BABAM1: variants seen among roughly 807,000 people sequenced by gnomAD.
The protein encoded by BABAM1 is BRISC and BRCA1 A complex member 1.
A neutral mutation model predicts 34.4 loss-of-function variants in BABAM1; 14 were observed. The observed-to-expected ratio is 0.41, with a 90% CI of 0.27 to 0.64. The LOEUF (loss-of-function observed/expected upper bound fraction) is 0.64, where lower values mean the gene tolerates loss of function less well. Among genes scored for constraint, BABAM1 ranks in the 30% least tolerant of loss-of-function variants. The pLI is 0.34. For synonymous variants in BABAM1, 169 were observed against 165.8 expected, an observed-to-expected ratio of 1.02 and a Z score of -0.15; for missense variants, 393 against 434.0, an observed-to-expected ratio of 0.91 and a Z score of 0.84.
At chr19:17,274,850 G>A (rs2073889732) in intron 5 of BABAM1, among the ~76,000 whole-genome samples, 1 of 107,320 alleles carries the variant, frequency 9.3e-6, no homozygotes, top group South Asian at 2.7e-4. Context: ...TTTCCAGGAG[G>A]ACAAGACACC....
In BABAM1 at chr19:17,274,180, C is replaced by T. The variant is rs368067780; in HGVS notation, c.539C>T (p.Thr180Ile). 1.2e-6 allele frequency: 2 copies of T among 1,612,738 alleles called. No individual in the cohort carries two copies. The highest frequency in any genetic ancestry group is 8.5e-7 in the Non-Finnish European group (1 of 1,179,818). ...GATCTGGAGACGGCCTCCTGTTCCA[C>T]CTTCAGTATCCTTCCTGGCAGAGAT... is the stretch of plus-strand genomic sequence containing the variant. Reference protein sequence around the residue: ...LYDLETASCSTFNLEGLFSLI... With the variant: ...LYDLETASCSIFNLEGLFSLI... The change falls in exon 5 of 9, where the codon ACC becomes ATC. Residue 180 changes from threonine to isoleucine, a missense_variant. Coordinates refer to ENST00000598188, the MANE Select transcript of BABAM1 (RefSeq NM_014173.4).
At chr19:17,278,770 C>T in intron 8 of BABAM1, 75 bp from the exon 9 acceptor site, 5 of 1,429,784 alleles carry the variant, frequency 3.5e-6, no homozygotes, top group Non-Finnish European at 4.8e-6. Flanking sequence ...CTGAGAAGCC[C>T]TCCAGGGATA....
At position 17,279,122 on chromosome 19, in the gene BABAM1, C is replaced by T. The variant is rs376011304; in HGVS notation, c.*74C>T. 4.0e-6 allele frequency: 6 copies of T among 1,484,708 alleles called. No individual in the cohort carries two copies. The East Asian group carries it at 9.8e-5, about 24-fold the overall frequency. 92.0% of individuals were successfully genotyped at this position (1,484,708 alleles called of 1,614,324 possible). On this transcript the variant is annotated 3_prime_UTR_variant, in exon 9 of 9. Transcript: ENST00000598188. ...AAAGCCTTGGTTCTCAAACTGGGTT[C>T]CTTGGGACCTCCGGGGTGGGGGGGT...
At chr19:17,276,975 A>C (rs986781017) in intron 8 of BABAM1, 66 bp downstream of exon 8, 2 of 1,445,362 alleles carry the variant, frequency 1.4e-6, no homozygotes, top group South Asian at 1.2e-5. Context: ...ACACACCTGC[A>C]CTGGGTCTGG....
In BABAM1 at chr19:17,276,521, CAG is replaced by C; in HGVS notation, c.600_601del (p.Asn201ArgfsTer43). 1 of 1,594,914 alleles carries C rather than the reference CAG, an allele frequency of 6.3e-7. No homozygotes were observed. Among genetic ancestry groups the C allele is most frequent in the Non-Finnish European group, 8.5e-7 (1 of 1,171,070 alleles). ...CAGCAGAAAACTGAGCTTCCGGTCA[CAG>C]AGAACGTGCAGACGATTCCCCCGCC... is the stretch of plus-strand genomic sequence containing the variant. On this transcript the variant is annotated frameshift_variant, in exon 7 of 9. Transcript: ENST00000598188. LOFTEE classifies it high-confidence loss of function.
Position 17,276,906 on chromosome 19 carries a change from G to C in BABAM1, c.783G>C (p.Trp261Cys). ...GTEEKEEEMS[W>C]KDMFAFMGSL... is the part of the protein sequence containing the mutation. The stretch of plus-strand genomic sequence containing the variant: ...AGGAGAAGGAGGAGGAGATGAGTTG[G>C]AAGGTGAGAGGCTGCAGCAGGTGTG... Residue 261 changes from tryptophan (W) to cysteine (C), a missense_variant, in exon 8 of 9, where the codon TGG becomes TGC. Physicochemically the swap from Trp to Cys is radical, Grantham distance 215 (BLOSUM62 -2). Transcript: ENST00000598188. The C allele has an allele frequency of 3.1e-6, 5 of 1,594,736 alleles. No individual in the cohort carries two copies. The highest frequency in any genetic ancestry group is 4.3e-6 in the Non-Finnish European group (5 of 1,170,554).
In BABAM1 at chr19:17,276,545, C is replaced by T. The variant is rs555163333; in HGVS notation, c.620C>T (p.Pro207Leu). Reference sequence around the variant, plus strand: ...ACAGAGAACGTGCAGACGATTCCCCCGCCATATGTGGTCCGCACCATCCTT... The same window carrying T: ...ACAGAGAACGTGCAGACGATTCCCCTGCCATATGTGGTCCGCACCATCCTT... Reference protein sequence around the residue: ...PVTENVQTIPPPYVVRTILVY... With the variant: ...PVTENVQTIPLPYVVRTILVY... The change falls in exon 7 of 9, where the codon CCG becomes CTG. Residue 207 changes from proline (P) to leucine (L), a missense_variant. By Grantham distance (98) the Pro-to-Leu change is moderately conservative. Transcript: ENST00000598188. The T allele has an allele frequency of 8.7e-6, 14 of 1,604,654 alleles. No individual in the cohort carries two copies. Among genetic ancestry groups the T allele is most frequent in the Admixed American group, 6.8e-5 (4 of 58,844 alleles).
intron 5 of BABAM1, among the ~76,000 whole-genome samples, chr19:17,274,841 T>C (rs117673644): frequency 0.016 from 2,169 of 137,066 alleles, 28 homozygotes; most frequent in South Asian, 0.046. Flanking sequence ...TGAGAGTTTT[T>C]TCCAGGAGGA....
chr19:17,275,119 G>T (rs1464752606), intron 5 of BABAM1, among the ~76,000 whole-genome samples: 1 of 151,912 alleles, frequency 6.6e-6, no homozygotes, highest in Non-Finnish European at 1.5e-5. Context: ...TGCCCAGGCT[G>T]GTCTTGAATT....
chr19:17,276,689 G>A (rs762016577), intron 7 of BABAM1, 65 bp downstream of exon 7: 2 of 1,564,386 alleles, frequency 1.3e-6, no homozygotes, highest in Admixed American at 1.9e-5. Context: ...GACACCAGGA[G>A]GGACTTCCAA....
At chr19:17,277,651 C>T (rs1021249091) in intron 8 of BABAM1, 2 of 152,294 alleles carry the variant, frequency 1.3e-5, no homozygotes, top group Admixed American at 6.5e-5. Flanking sequence ...TTCTCTGAGC[C>T]TCAGTTTACC....
intron 3 of BABAM1, among the ~76,000 whole-genome samples, chr19:17,273,564 G>GTT (rs754203595): frequency 1.1e-4 from 5 of 45,938 alleles, no homozygotes; most frequent in South Asian, 6.4e-4. Flanking sequence ...TGTTTGTTTT[G>GTT]TTTTTTTTTT....
At chr19:17,273,671 C>A (rs1271079621) in intron 3 of BABAM1, among the ~76,000 whole-genome samples, 1 of 147,380 alleles carries the variant, frequency 6.8e-6, no homozygotes, top group African/African-American at 2.5e-5. Flanking sequence ...TCAAGCAATT[C>A]TCTGACTCAG....
intron 2 of BABAM1, among the ~76,000 whole-genome samples, chr19:17,269,541 G>A (rs1304516649): frequency 2.0e-5 from 3 of 151,790 alleles, no homozygotes; most frequent in African/African-American, 7.3e-5. Flanking sequence ...AGTAGAGACA[G>A]GGTTTCACCA....
intron 2 of BABAM1, among the ~76,000 whole-genome samples, chr19:17,270,407 T>C (rs1334811619): frequency 1.3e-5 from 2 of 152,168 alleles, no homozygotes; most frequent in Non-Finnish European, 2.9e-5. Flanking sequence ...ACTGTGTCTC[T>C]GTGTCTTCTC....
At chr19:17,270,192 A>G (rs1293834737) in intron 2 of BABAM1, among the ~76,000 whole-genome samples, 1 of 151,922 alleles carries the variant, frequency 6.6e-6, no homozygotes, top group Non-Finnish European at 1.5e-5. Flanking sequence ...CGGCCTCCCA[A>G]AGTGCTGGGA....
intron 6 of BABAM1, 103 bp from the exon 7 acceptor site, chr19:17,276,392 G>T: frequency 6.6e-7 from 1 of 1,520,804 alleles, no homozygotes; most frequent in Non-Finnish European, 8.9e-7. Context: ...AGACATCAGT[G>T]GGGCCTCACC....
chr19:17,277,242 C>T, intron 8 of BABAM1: 1 of 222,876 alleles, frequency 4.5e-6, no homozygotes, highest in South Asian at 7.0e-5. Flanking sequence ...CCCTCTGTCT[C>T]CCAGGCTGGA....
chr19:17,268,716 A>G (rs2073800395), intron 1 of BABAM1, 78 bp from the exon 2 acceptor site: 1 of 1,415,356 alleles, frequency 7.1e-7, no homozygotes, highest in Non-Finnish European at 9.3e-7. Flanking sequence ...GGCATGAGCC[A>G]CCGTGCCCGA....
Sources: gnomAD v4.1 joint callset for allele counts (sites outside exome capture counted in the v4.1 genomes callset) on GRCh38, gnomAD v4.1.1 for gene constraint, MANE v1.5 for transcripts, NCBI Gene and HGNC (gene_info 2026-07-23, HGNC 2026-07-21) for gene names.